DGKI: variants seen among roughly 807,000 people sequenced by gnomAD.
The protein encoded by DGKI is DAG kinase iota.
In DGKI, 55 loss-of-function variants were observed where a neutral mutation model predicts 147.5. The ratio of observed to expected loss-of-function variants is 0.37; its 90% CI spans 0.30 to 0.47. The LOEUF (loss-of-function observed/expected upper bound fraction) is 0.47, where lower values mean the gene tolerates loss of function less well. Among genes scored for constraint, DGKI ranks in the 20% least tolerant of loss-of-function variants. DGKI has a pLI of 1.00. For synonymous variants in DGKI, 469 were observed against 477.1 expected, an observed-to-expected ratio of 0.98 and a Z score of 0.22; for missense variants, 1,007 against 1,323.8, an observed-to-expected ratio of 0.76 and a Z score of 3.71.
intron 1 of DGKI, among the ~76,000 whole-genome samples, chr7:137,705,420 C>G (rs564292649): frequency 4.1e-4 from 63 of 151,956 alleles, no homozygotes; most frequent in Admixed American, 1.6e-3. Context: ...ATACTTCCAA[C>G]AACATGAATG....
At chr7:137,632,948 C>T (rs10267971) in intron 6 of DGKI, among the ~76,000 whole-genome samples, 4,277 of 151,986 alleles carry the variant, frequency 0.028, 176 homozygotes, top group African/African-American at 0.094. Context: ...GGCAGTGGCT[C>T]ATGCCTGTAA....
At chr7:137,824,917 C>G (rs1034840811) in intron 1 of DGKI, among the ~76,000 whole-genome samples, 19 of 152,204 alleles carry the variant, frequency 1.2e-4, no homozygotes, top group African/African-American at 4.6e-4. Context: ...GCATAGTACT[C>G]CATGGTGTAT....
At chr7:137,808,862 T>C (rs1215295972) in intron 1 of DGKI, among the ~76,000 whole-genome samples, 7 of 152,108 alleles carry the variant, frequency 4.6e-5, no homozygotes, top group Non-Finnish European at 1.0e-4. Context: ...GGAACCAACA[T>C]TACACATGGC....
At chr7:137,831,538 G>A (rs1333633581) in intron 1 of DGKI, among the ~76,000 whole-genome samples, 1 of 152,194 alleles carries the variant, frequency 6.6e-6, no homozygotes, top group Non-Finnish European at 1.5e-5. Context: ...ACTATTATGA[G>A]AACAGCATAA....
chr7:137,408,990 G>A (rs1030656716), intron 29 of DGKI, among the ~76,000 whole-genome samples: 1 of 152,126 alleles, frequency 6.6e-6, no homozygotes, highest in Non-Finnish European at 1.5e-5. Flanking sequence ...CATCCCATAA[G>A]GTGAAAGAGC....
chr7:137,683,462 A>G (rs528693379), intron 2 of DGKI, among the ~76,000 whole-genome samples: 2 of 152,106 alleles, frequency 1.3e-5, no homozygotes, highest in East Asian at 3.9e-4. Flanking sequence ...TGCAGCCTCA[A>G]ACTGCTGGAT....
intron 1 of DGKI, among the ~76,000 whole-genome samples, chr7:137,795,720 T>C (rs1317556649): frequency 6.6e-6 from 1 of 152,204 alleles, no homozygotes; most frequent in Non-Finnish European, 1.5e-5. Context: ...CTCTCACTTT[T>C]GGCTGACAAA....
chr7:137,794,253 C>A (rs1362232790), intron 1 of DGKI, among the ~76,000 whole-genome samples: 2 of 152,164 alleles, frequency 1.3e-5, no homozygotes, highest in African/African-American at 4.8e-5. Context: ...TCAAATAATG[C>A]CTTTTGGACC....
rs915139256 is a variant in DGKI, at chr7:137,579,500, A to AT, written c.1643-1176dup. Among the ~76,000 whole-genome samples, 6 of 152,152 alleles carry AT rather than the reference A, an allele frequency of 3.9e-5. No homozygotes were observed. In the East Asian group the frequency reaches 1.2e-3, roughly 29 times the overall value. Reference sequence around the variant, plus strand: ...TAATTATATATTTCATAGACAAATAATTTTTTAATTTACTATTTAAAAAAA... The same window carrying AT: ...TAATTATATATTTCATAGACAAATAATTTTTTTAATTTACTATTTAAAAAAA... On this transcript the variant is annotated intron_variant, in intron 15 of 32. Transcript: ENST00000614521.
intron 6 of DGKI, 44 bp from the exon 7 acceptor site, chr7:137,623,598 G>C (rs753121937): frequency 7.3e-5 from 113 of 1,554,176 alleles, no homozygotes; most frequent in Non-Finnish European, 9.9e-5. Flanking sequence ...AACCACCTCA[G>C]TTACAGCGCA....
chr7:137,520,408 T>C (rs1272817917), intron 21 of DGKI, among the ~76,000 whole-genome samples: 1 of 152,102 alleles, frequency 6.6e-6, no homozygotes, highest in Non-Finnish European at 1.5e-5. Context: ...CGCAAAAATA[T>C]ATGTCTAACA....
chr7:137,577,159 G>T, intron 17 of DGKI, 63 bp downstream of exon 17: 2 of 1,152,804 alleles, frequency 1.7e-6, no homozygotes, highest in Non-Finnish European at 2.5e-6. Flanking sequence ...CTAAGTATTT[G>T]GGAGTTTTTT....
chr7:137,688,140 T>C (rs534764599), intron 2 of DGKI, among the ~76,000 whole-genome samples: 1 of 152,338 alleles, frequency 6.6e-6, no homozygotes, highest in South Asian at 2.1e-4. Context: ...TGGAATGTCC[T>C]TTTGTTGCAT....
At chr7:137,761,180 C>T (rs915911702) in intron 1 of DGKI, among the ~76,000 whole-genome samples, 5 of 152,168 alleles carry the variant, frequency 3.3e-5, no homozygotes, top group Admixed American at 1.3e-4. Context: ...AGGACCATGC[C>T]AGAGCCAAGG....
At chr7:137,711,857 C>G (rs949282159) in intron 1 of DGKI, among the ~76,000 whole-genome samples, 36 of 151,772 alleles carry the variant, frequency 2.4e-4, no homozygotes, top group African/African-American at 8.7e-4. Flanking sequence ...ACACACCCAG[C>G]TAGTTTTTGT....
At chr7:137,696,457 T>G (rs1232406682) in intron 1 of DGKI, among the ~76,000 whole-genome samples, 1 of 133,214 alleles carries the variant, frequency 7.5e-6, no homozygotes, top group Non-Finnish European at 1.6e-5. Context: ...TTTTTTTTTT[T>G]TTTTTTGCTT....
At chr7:137,633,144 G>A (rs903045432) in intron 6 of DGKI, among the ~76,000 whole-genome samples, 2 of 151,166 alleles carry the variant, frequency 1.3e-5, no homozygotes, top group South Asian at 2.1e-4. Context: ...CCCAGGAGGC[G>A]GAGGTTGTGG....
chr7:137,549,055 G>T (rs1817959096), intron 20 of DGKI, among the ~76,000 whole-genome samples: 1 of 152,192 alleles, frequency 6.6e-6, no homozygotes, highest in Non-Finnish European at 1.5e-5. Flanking sequence ...GTGTATAGAA[G>T]TAGAAGCGAC....
intron 31 of DGKI, 43 bp from the exon 32 acceptor site, chr7:137,395,740 G>A (rs1811526555): frequency 1.3e-6 from 2 of 1,586,766 alleles, no homozygotes; most frequent in Admixed American, 1.7e-5. Flanking sequence ...AAAGGGGTTG[G>A]AGGCAGCAGG....
Sources: allele counts gnomAD v4.1 joint callset (sites outside exome capture counted in the v4.1 genomes callset), GRCh38; gene constraint gnomAD v4.1.1; transcripts MANE v1.5; gene names NCBI Gene and HGNC (gene_info 2026-07-23, HGNC 2026-07-21).